Variants in CCDC91 observed in about 807,000 individuals in gnomAD.
CCDC91 encodes coiled-coil domain-containing protein 91.
CCDC91 carries 48 observed loss-of-function variants against 63.2 expected under a neutral mutation model. The ratio of observed to expected loss-of-function variants is 0.76; its 90% CI spans 0.60 to 0.97. CCDC91 has a LOEUF of 0.97. Ranked by LOEUF, CCDC91 falls within the 50% of genes least tolerant of loss-of-function variation. The pLI, the probability that CCDC91 is intolerant of heterozygous loss-of-function variation, is 0.00. For synonymous variants in CCDC91, 167 were observed against 165.8 expected (o/e 1.01, Z -0.06); for missense variants, 500 against 494.6 (o/e 1.01, Z -0.10).
intron 7 of CCDC91, among the ~76,000 whole-genome samples, chr12:28,368,894 G>A (rs1477959850): frequency 6.6e-6 from 1 of 151,814 alleles, no homozygotes; most frequent in Non-Finnish European, 1.5e-5. Flanking sequence ...ATCTTATGAG[G>A]ACTCACTGAC....
intron 1 of CCDC91, chr12:28,225,856 A>G (rs1262795628): frequency 6.6e-6 from 1 of 152,206 alleles, no homozygotes; most frequent in Non-Finnish European, 1.5e-5. Flanking sequence ...TCCAGGATTA[A>G]TTCTGGTAAG....
At chr12:28,381,301 T>C (rs1012003866) in intron 7 of CCDC91, among the ~76,000 whole-genome samples, 4 of 152,206 alleles carry the variant, frequency 2.6e-5, no homozygotes, top group Non-Finnish European at 5.9e-5. Context: ...TAATCAACTT[T>C]GGGAAACCTG....
intron 12 of CCDC91, among the ~76,000 whole-genome samples, chr12:28,542,658 C>A (rs1221501626): frequency 6.6e-6 from 1 of 152,040 alleles, no homozygotes; most frequent in Non-Finnish European, 1.5e-5. Flanking sequence ...CCAAATTATT[C>A]TTAACATGTA....
At chr12:28,447,675 TGAAG>T (rs371934724) in intron 8 of CCDC91, among the ~76,000 whole-genome samples, 3 of 133,560 alleles carry the variant, frequency 2.2e-5, no homozygotes, top group Admixed American at 8.0e-5. Context: ...ACATAGAGGA[TGAAG>T]GAAGGAAGGA....
chr12:28,377,409 A>G (rs1270006888), intron 7 of CCDC91, among the ~76,000 whole-genome samples: 1 of 151,898 alleles, frequency 6.6e-6, no homozygotes, highest in Non-Finnish European at 1.5e-5. Flanking sequence ...AAGAATGCTA[A>G]GTAGAAAAAT....
At chr12:28,392,655 A>G (rs189468244) in intron 8 of CCDC91, among the ~76,000 whole-genome samples, 9 of 152,320 alleles carry the variant, frequency 5.9e-5, no homozygotes, top group African/African-American at 1.9e-4. Flanking sequence ...AATATACCAC[A>G]TTCTTTTCTT....
At chr12:28,298,489 G>A (rs530764352) in intron 3 of CCDC91, among the ~76,000 whole-genome samples, 7 of 151,180 alleles carry the variant, frequency 4.6e-5, no homozygotes, top group South Asian at 2.1e-4. Context: ...ACTCCTGGGG[G>A]TTGATTATTT....
chr12:28,445,919 A>C (rs1949475170), intron 8 of CCDC91, among the ~76,000 whole-genome samples: 1 of 152,136 alleles, frequency 6.6e-6, no homozygotes, highest in African/African-American at 2.4e-5. Context: ...TTGGCATATA[A>C]ATTTGTGGGG....
intron 11 of CCDC91, among the ~76,000 whole-genome samples, chr12:28,467,424 A>G (rs1950600294): frequency 6.6e-6 from 1 of 152,080 alleles, no homozygotes; most frequent in South Asian, 2.1e-4. Flanking sequence ...TTTTAAGTAT[A>G]TATTCATGCA....
chr12:28,434,300 A>T (rs1338573581), intron 8 of CCDC91, among the ~76,000 whole-genome samples: 2 of 151,318 alleles, frequency 1.3e-5, no homozygotes, highest in Admixed American at 6.6e-5. Context: ...TAGTTCGATA[A>T]TTTTTTTTAA....
At chr12:28,304,387 A>G (rs1938443550) in intron 3 of CCDC91, among the ~76,000 whole-genome samples, 2 of 34,500 alleles carry the variant, frequency 5.8e-5, no homozygotes, top group African/African-American at 1.4e-4. Flanking sequence ...AAAAAAAAAA[A>G]AAAAAAAAAA....
intron 8 of CCDC91, among the ~76,000 whole-genome samples, chr12:28,414,025 C>G (rs1947487963): frequency 6.6e-6 from 1 of 152,154 alleles, no homozygotes; most frequent in African/African-American, 2.4e-5. Flanking sequence ...GAAATTGGGT[C>G]TGTGATTTAC....
intron 1 of CCDC91, among the ~76,000 whole-genome samples, chr12:28,242,235 G>C (rs1431657928): frequency 6.6e-6 from 1 of 152,102 alleles, no homozygotes. Context: ...CTTTATCCCT[G>C]TGGACAGCCT....
intron 12 of CCDC91, among the ~76,000 whole-genome samples, chr12:28,533,043 G>C (rs1941872393): frequency 6.6e-6 from 1 of 152,028 alleles, no homozygotes; most frequent in African/African-American, 2.4e-5. Context: ...CTACCAAGAA[G>C]ATACAACTAT....
chr12:28,285,287 C>T (rs575679463), intron 3 of CCDC91, among the ~76,000 whole-genome samples: 4 of 152,132 alleles, frequency 2.6e-5, no homozygotes, highest in South Asian at 2.1e-4. Context: ...TGCTCCTGTT[C>T]GAGGTTGGAA....
chr12:28,225,378 G>C (rs1944202769), intron 1 of CCDC91, among the ~76,000 whole-genome samples: 1 of 152,020 alleles, frequency 6.6e-6, no homozygotes, highest in South Asian at 2.1e-4. Context: ...TCTTGAGCTA[G>C]AAAAACATGC....
intron 7 of CCDC91, among the ~76,000 whole-genome samples, chr12:28,373,276 T>C (rs913842263): frequency 3.3e-5 from 5 of 152,190 alleles, no homozygotes; most frequent in African/African-American, 1.2e-4. Context: ...TTTTTCACTT[T>C]TAGTATTTTG....
At position 28,305,269 on chromosome 12, in the gene CCDC91, G is replaced by A. The variant is rs1333147428; in HGVS notation, c.110-380G>A. Among the ~76,000 whole-genome samples, 4 of 151,650 alleles carry A rather than the reference G, an allele frequency of 2.6e-5. 1 individual carries two copies. The highest frequency in any genetic ancestry group is 2.1e-4 in the South Asian group (1 of 4,808). ...GACTGGCACTGGTAGGTACTCTAGC[G>A]CTTTTTAAAAAAATTAAATGGATTT... is the stretch of plus-strand genomic sequence containing the variant. On this transcript the variant is annotated intron_variant, in intron 3 of 12. Coordinates refer to ENST00000536442, the MANE Select transcript of CCDC91 (RefSeq NM_018318.5).
chr12:28,441,747 C>T (rs1379449961), intron 8 of CCDC91, among the ~76,000 whole-genome samples: 1 of 148,040 alleles, frequency 6.8e-6, no homozygotes, highest in Non-Finnish European at 1.5e-5. Context: ...ATATATATAT[C>T]TCATATATAT....
Sources: gnomAD v4.1 joint callset for allele counts (sites outside exome capture counted in the v4.1 genomes callset) on GRCh38, gnomAD v4.1.1 for gene constraint, MANE v1.5 for transcripts, NCBI Gene and HGNC (gene_info 2026-07-23, HGNC 2026-07-21) for gene names.